The following TSHZ3 variants were observed in gnomAD, a reference collection of about 807,000 sequenced individuals.
TSHZ3 encodes teashirt zinc finger homeobox 3, also known as teashirt homolog 3.
TSHZ3 carries 10 observed loss-of-function variants against 64.5 expected under a neutral mutation model. That is an observed-to-expected ratio of 0.16 (90% CI 0.10 to 0.26). The LOEUF (loss-of-function observed/expected upper bound fraction) is 0.26. Ranked by LOEUF, TSHZ3 falls within the 10% of genes least tolerant of loss-of-function variation. The pLI, the probability that TSHZ3 is intolerant of heterozygous loss-of-function variation, is 1.00. For synonymous variants in TSHZ3, 608 were observed against 593.1 expected, an observed-to-expected ratio of 1.03 and a Z score of -0.36; for missense variants, 1,242 against 1,421.7, an observed-to-expected ratio of 0.87 and a Z score of 2.03.
At chr19:31,228,544 T>A (rs1217242594) in intron 3 of TSHZ3, among the ~76,000 whole-genome samples, 2 of 128,552 alleles carry the variant, frequency 1.6e-5, no homozygotes, top group African/African-American at 2.7e-5. Flanking sequence ...AAAAAAAAAA[T>A]TATTAGAGAC....
intron 1 of TSHZ3, among the ~76,000 whole-genome samples, chr19:31,290,295 A>C (rs1017873639): frequency 5.9e-5 from 9 of 152,118 alleles, no homozygotes; most frequent in Admixed American, 3.9e-4. Flanking sequence ...GAACATGACA[A>C]ATCAAGATGG....
chr19:31,209,672 C>T (rs1264492746), intron 4 of TSHZ3, among the ~76,000 whole-genome samples: 1 of 152,180 alleles, frequency 6.6e-6, no homozygotes, highest in Non-Finnish European at 1.5e-5. Flanking sequence ...GGGTCTGAGG[C>T]AGTGCTAGGA....
intron 5 of TSHZ3, among the ~76,000 whole-genome samples, chr19:31,203,011 C>T (rs576821382): frequency 6.6e-6 from 1 of 151,548 alleles, no homozygotes; most frequent in African/African-American, 2.4e-5. Context: ...TTAAGCCTAA[C>T]AATCACAAAA....
intron 1 of TSHZ3, among the ~76,000 whole-genome samples, chr19:31,289,343 T>C (rs1976521352): frequency 6.6e-6 from 1 of 152,092 alleles, no homozygotes; most frequent in Non-Finnish European, 1.5e-5. Context: ...CACTGGGGCT[T>C]GGGTTCTGTC....
chr19:31,251,153 TC>T (rs1975836044), intron 1 of TSHZ3, among the ~76,000 whole-genome samples: 1 of 152,140 alleles, frequency 6.6e-6, no homozygotes, highest in African/African-American at 2.4e-5. Context: ...AGTGCAGTGC[TC>T]AGGCCTGAGC....
At chr19:31,203,185 C>G (rs1234478706) in intron 5 of TSHZ3, among the ~76,000 whole-genome samples, 1 of 152,068 alleles carries the variant, frequency 6.6e-6, no homozygotes, top group Non-Finnish European at 1.5e-5. Context: ...AGCTATGCAA[C>G]TAGCTGGTGG....
At chr19:31,308,052 C>G (rs146925796) in intron 1 of TSHZ3, among the ~76,000 whole-genome samples, 1 of 152,224 alleles carries the variant, frequency 6.6e-6, no homozygotes, top group Admixed American at 6.5e-5. Flanking sequence ...CTAGCTCTCA[C>G]GCAACTGTTT....
chr19:31,265,524 G>A (rs1294366459), intron 1 of TSHZ3, among the ~76,000 whole-genome samples: 1 of 152,022 alleles, frequency 6.6e-6, no homozygotes. Context: ...CTTGAATCAG[G>A]GGTGCCACTC....
chr19:31,186,446 T>C (rs1276632654), intron 5 of TSHZ3, among the ~76,000 whole-genome samples: 4 of 152,208 alleles, frequency 2.6e-5, no homozygotes, highest in Non-Finnish European at 5.9e-5. Context: ...GCTCAGCACT[T>C]CTTGCCACTG....
chr19:31,333,335 T>C (rs1229568817), intron 1 of TSHZ3, among the ~76,000 whole-genome samples: 1 of 151,764 alleles, frequency 6.6e-6, no homozygotes, highest in East Asian at 2.0e-4. Flanking sequence ...CCTCTCTGGG[T>C]GAAAATCAGC....
chr19:31,243,882 G>A (rs1975727757), intron 1 of TSHZ3, among the ~76,000 whole-genome samples: 1 of 152,162 alleles, frequency 6.6e-6, no homozygotes, highest in African/African-American at 2.4e-5. Flanking sequence ...GAATACACTT[G>A]GAGGAGGGCG....
At chr19:31,247,340 A>G (rs1975769476) in intron 1 of TSHZ3, among the ~76,000 whole-genome samples, 1 of 152,216 alleles carries the variant, frequency 6.6e-6, no homozygotes, top group African/African-American at 2.4e-5. Flanking sequence ...AACTCTAATC[A>G]TGGGACAAAG....
At chr19:31,242,189 C>A (rs1293967384) in intron 3 of TSHZ3, among the ~76,000 whole-genome samples, 1 of 152,130 alleles carries the variant, frequency 6.6e-6, no homozygotes, top group Non-Finnish European at 1.5e-5. Context: ...TAGTATTAGT[C>A]AGGGTTCTTC....
intron 5 of TSHZ3, among the ~76,000 whole-genome samples, chr19:31,168,960 A>G (rs1974496856): frequency 6.6e-6 from 1 of 152,208 alleles, no homozygotes; most frequent in Admixed American, 6.5e-5. Flanking sequence ...TCAGTTCTTT[A>G]TGTGAACATG....
At chr19:31,167,152 T>C (rs1372773699) in intron 5 of TSHZ3, among the ~76,000 whole-genome samples, 1 of 152,220 alleles carries the variant, frequency 6.6e-6, no homozygotes, top group Non-Finnish European at 1.5e-5. Context: ...TGCATCTATA[T>C]ATTTAAATGA....
intron 1 of TSHZ3, among the ~76,000 whole-genome samples, chr19:31,263,942 T>C (rs1200511306): frequency 6.6e-6 from 1 of 152,152 alleles, no homozygotes; most frequent in Non-Finnish European, 1.5e-5. Context: ...GGGAGGCCCA[T>C]AGCTCCAGCC....
chr19:31,180,987 T>C (rs536155276), intron 5 of TSHZ3, among the ~76,000 whole-genome samples: 10 of 152,216 alleles, frequency 6.6e-5, no homozygotes, highest in African/African-American at 2.2e-4. Context: ...ATGCAGAACA[T>C]CTGTAACAGC....
At chr19:31,235,370 T>A (rs984406617) in intron 3 of TSHZ3, among the ~76,000 whole-genome samples, 4 of 151,708 alleles carry the variant, frequency 2.6e-5, no homozygotes, top group African/African-American at 9.7e-5. Flanking sequence ...CAACCCCTGA[T>A]AGGCACCATT....
intron 5 of TSHZ3, among the ~76,000 whole-genome samples, chr19:31,164,642 C>T (rs1262624632): frequency 6.6e-6 from 1 of 152,132 alleles, no homozygotes; most frequent in Non-Finnish European, 1.5e-5. Flanking sequence ...ACCGACCTCT[C>T]TGGACCTCAG....
Sources: gnomAD v4.1 joint callset for allele counts (sites outside exome capture counted in the v4.1 genomes callset) on GRCh38, gnomAD v4.1.1 for gene constraint, MANE v1.5 for transcripts, NCBI Gene and HGNC (gene_info 2026-07-23, HGNC 2026-07-21) for gene names.